RBM34: variants seen among roughly 807,000 people sequenced by gnomAD.
RBM34 encodes the protein RNA binding motif protein 34, also known as RNA-binding protein 34.
Under a neutral mutation model 44.6 loss-of-function variants are expected in RBM34, and 39 were observed. The observed-to-expected ratio is 0.87, with a 90% CI of 0.68 to 1.14. The LOEUF (loss-of-function observed/expected upper bound fraction) is 1.14, where lower values mean the gene tolerates loss of function less well. RBM34 is among the 50% of genes most tolerant of loss of function. The probability of loss-of-function intolerance (pLI) is 0.00; values close to 1 mark genes in which losing one functional copy is unlikely to be tolerated. For missense variants in RBM34, 572 were observed against 517.9 expected, an observed-to-expected ratio of 1.10 and a Z score of -1.01; for synonymous variants, 194 against 184.0, an observed-to-expected ratio of 1.05 and a Z score of -0.44.
chr1:235,137,427 T>C (rs1035034222), intron 8 of RBM34, among the ~76,000 whole-genome samples: 4 of 152,168 alleles, frequency 2.6e-5, no homozygotes, highest in African/African-American at 9.7e-5. Flanking sequence ...CAGGCTAGAA[T>C]GCAGTGGCAC....
At chr1:235,155,344 C>CT (rs199592826) in intron 3 of RBM34, among the ~76,000 whole-genome samples, 111 of 146,822 alleles carry the variant, frequency 7.6e-4, no homozygotes, top group Non-Finnish European at 7.7e-4. Context: ...AAGTTAAGCT[C>CT]TTTTTTTTTT....
At chr1:235,132,572 G>A (rs144998802) in intron 10 of RBM34, among the ~76,000 whole-genome samples, 2 of 152,266 alleles carry the variant, frequency 1.3e-5, no homozygotes, top group African/African-American at 4.8e-5. Context: ...CTCCCAAAGT[G>A]CTGGGATTAC....
chr1:235,134,593 C>T (rs1000489644), intron 10 of RBM34, among the ~76,000 whole-genome samples: 16 of 152,116 alleles, frequency 1.1e-4, no homozygotes, highest in Non-Finnish European at 2.2e-4. Flanking sequence ...CTCTATCATA[C>T]AGAAGGTAGA....
At chr1:235,140,434 C>A (rs1487798777) in intron 6 of RBM34, among the ~76,000 whole-genome samples, 1 of 152,170 alleles carries the variant, frequency 6.6e-6, no homozygotes, top group Admixed American at 6.5e-5. Flanking sequence ...GCTTAGCACC[C>A]GGGCCAGTGG....
intron 3 of RBM34, among the ~76,000 whole-genome samples, chr1:235,155,834 T>TATATATATATATATATATAC (rs1662396002): frequency 4.7e-5 from 1 of 21,054 alleles, no homozygotes; most frequent in African/African-American, 2.7e-4. Flanking sequence ...TATATATATA[T>TATATATATATATATATATAC]ATATATATAT....
chr1:235,157,740 A>C (rs1662511339), intron 3 of RBM34, among the ~76,000 whole-genome samples: 1 of 152,338 alleles, frequency 6.6e-6, no homozygotes, highest in East Asian at 1.9e-4. Context: ...CAATCAGAAG[A>C]GATTTCTCTC....
chr1:235,131,639 G>T lies in RBM34; in HGVS notation c.*74C>A. 1 of 1,452,378 alleles carries T rather than the reference G, an allele frequency of 6.9e-7. No homozygotes were observed. Among genetic ancestry groups the T allele is most frequent in the South Asian group, 1.4e-5 (1 of 72,348 alleles). The allele number at this position is 1,452,378 out of a possible 1,614,324, so 90.0% of individuals were successfully genotyped here. On this transcript the variant is annotated 3_prime_UTR_variant, in exon 11 of 11. Coordinates refer to ENST00000408888, the MANE Select transcript of RBM34 (RefSeq NM_015014.4). ...TATAAAACTCAACACATGAATAGCA[G>T]ACGATGCTATCAGCAGATAATAGCA...
chr1:235,143,244 TC>T (rs1473240800), intron 6 of RBM34, among the ~76,000 whole-genome samples: 4 of 152,184 alleles, frequency 2.6e-5, no homozygotes, highest in African/African-American at 9.7e-5. Flanking sequence ...ACTGACATTC[TC>T]ATCGATAGCT....
At chr1:235,157,304 C>T (rs1021525245) in intron 3 of RBM34, among the ~76,000 whole-genome samples, 1 of 151,958 alleles carries the variant, frequency 6.6e-6, no homozygotes, top group Non-Finnish European at 1.5e-5. Context: ...GAGGTGAAGA[C>T]GAAAAGGCAG....
chr1:235,156,676 G>C lies in RBM34; in HGVS notation c.366-1564C>G, dbSNP rs77448731. On this transcript the variant is annotated intron_variant, in intron 3 of 10. Coordinates refer to ENST00000408888, the MANE Select transcript of RBM34 (RefSeq NM_015014.4). ...GCAAGGTCTGAGCATCAATCTGAAA[G>C]GAGAACTAAAGGATATTAAGGAGTG... The C allele has an allele frequency of 6.2e-3, 2,836 of 459,622 alleles. 31 individuals carry two copies. Among genetic ancestry groups the C allele is most frequent in the East Asian group, 0.019 (270 of 14,106 alleles). The allele number at this position is 459,622 out of a possible 1,614,324, so 28.5% of individuals were successfully genotyped here. A position where few individuals can be genotyped will look rare whatever the true frequency, so the allele number is the denominator to read the frequency against.
At chr1:235,150,419 A>G (rs976125474) in intron 5 of RBM34, among the ~76,000 whole-genome samples, 5 of 152,222 alleles carry the variant, frequency 3.3e-5, no homozygotes, top group Admixed American at 1.3e-4. Flanking sequence ...ATAAGGCAAT[A>G]AAGTACAGGA....
At chr1:235,145,553 C>T (rs546475331) in intron 6 of RBM34, among the ~76,000 whole-genome samples, 1 of 152,256 alleles carries the variant, frequency 6.6e-6, no homozygotes, top group East Asian at 1.9e-4. Flanking sequence ...GCTGGGATTG[C>T]AGGCATGAGC....
chr1:235,156,793 A>T, intron 3 of RBM34: 1 of 330,440 alleles, frequency 3.0e-6, no homozygotes. Context: ...CTCTGAGGAT[A>T]CAAAGATAAA....
At chr1:235,155,341 GCT>G (rs1487748003) in intron 3 of RBM34, among the ~76,000 whole-genome samples, 6 of 151,660 alleles carry the variant, frequency 4.0e-5, no homozygotes, top group Non-Finnish European at 8.8e-5. Flanking sequence ...AAAAAGTTAA[GCT>G]CTTTTTTTTT....
intron 8 of RBM34, among the ~76,000 whole-genome samples, chr1:235,137,108 G>A (rs1484884878): frequency 2.0e-5 from 3 of 152,120 alleles, no homozygotes; most frequent in Non-Finnish European, 4.4e-5. Flanking sequence ...CCCAAGTCAA[G>A]TGTCCCAATG....
chr1:235,160,792 C>T, intron 2 of RBM34, 101 bp downstream of exon 2: 2 of 1,529,648 alleles, frequency 1.3e-6, no homozygotes, highest in South Asian at 1.2e-5. Context: ...TGAATCCTGT[C>T]TGCCCCCTTT....
intron 3 of RBM34, among the ~76,000 whole-genome samples, chr1:235,155,846 TATATATATATATATATATATAC>T (rs1421308709): frequency 1.1e-4 from 3 of 28,534 alleles, no homozygotes; most frequent in African/African-American, 4.3e-4. Flanking sequence ...TATATATATA[TATATATATATATATATATATAC>T]ATATATACTT....
intron 6 of RBM34, among the ~76,000 whole-genome samples, chr1:235,144,503 A>G (rs1175405827): frequency 2.6e-5 from 4 of 151,804 alleles, no homozygotes; most frequent in Non-Finnish European, 4.4e-5. Flanking sequence ...ATAAACTAAA[A>G]AAAAAAAAAA....
At chr1:235,133,881 G>C (rs1661308220) in intron 10 of RBM34, among the ~76,000 whole-genome samples, 1 of 151,978 alleles carries the variant, frequency 6.6e-6, no homozygotes, top group Non-Finnish European at 1.5e-5. Flanking sequence ...TTTTTGTTTT[G>C]AGATAGGGTC....
Sources: allele counts gnomAD v4.1 joint callset (sites outside exome capture counted in the v4.1 genomes callset), GRCh38; gene constraint gnomAD v4.1.1; transcripts MANE v1.5; gene names NCBI Gene and HGNC (gene_info 2026-07-23, HGNC 2026-07-21).